PLA2G4E: variants seen among roughly 807,000 people sequenced by gnomAD.
PLA2G4E encodes cytosolic phospholipase A2 epsilon.
PLA2G4E carries 84 observed loss-of-function variants against 109.1 expected under a neutral mutation model. The observed-to-expected ratio is 0.77, with a 90% CI of 0.65 to 0.92. The LOEUF is 0.92. Among genes scored for constraint, PLA2G4E ranks in the 40% least tolerant of loss-of-function variants. The pLI is 0.00. For synonymous variants in PLA2G4E, 469 were observed against 436.1 expected (o/e 1.08, Z -0.94); for missense variants, 1,057 against 1,076.6 (o/e 0.98, Z 0.25).
In PLA2G4E at chr15:41,984,517, C is replaced by A; in HGVS notation, c.2305G>T (p.Glu769Ter). 6.2e-7 allele frequency: 1 copy of A among 1,613,964 alleles called. No individual in the cohort carries two copies. The change falls in exon 19 of 20, where the codon GAG becomes TAG. Residue 769 changes from glutamate (E) to a stop codon, truncating the protein, a stop_gained. Coordinates refer to ENST00000399518, the Ensembl canonical transcript of PLA2G4E. LOFTEE classifies it high-confidence loss of function. ...GGGGCATCGGGTTCCTGGGGGTTCT[C>A]CATCAGGTAGCATTCCTTGAGATTT...
At position 42,002,641 on chromosome 15, in the gene PLA2G4E, G is replaced by A. The variant is rs1447029545; in HGVS notation, c.609+13C>T. 1.9e-6 allele frequency: 3 copies of A among 1,580,150 alleles called. No individual in the cohort carries two copies. The highest frequency in any genetic ancestry group is 2.3e-5 in the East Asian group (1 of 43,084). Reference sequence around the variant, plus strand: ...TGGCCTCTGGAGCTACAGGAACCCAGGAAGATAATTACCACCAGCACGCCA... The same window carrying A: ...TGGCCTCTGGAGCTACAGGAACCCAAGAAGATAATTACCACCAGCACGCCA... On this transcript the variant is annotated intron_variant, in intron 6 of 19. Transcript: ENST00000399518.
chr15:42,011,097 G>T (rs1364367380), intron 2 of PLA2G4E, among the ~76,000 whole-genome samples: 1 of 152,058 alleles, frequency 6.6e-6, no homozygotes, highest in Non-Finnish European at 1.5e-5. Context: ...GGCACCCCGA[G>T]ATGCCACATG....
In PLA2G4E at chr15:41,987,262, G is replaced by A. The variant is rs370317501; in HGVS notation, c.1945C>T (p.Arg649Trp). 3.9e-5 allele frequency: 63 copies of A among 1,613,862 alleles called. No individual in the cohort carries two copies. In the African/African-American group the frequency reaches 5.2e-4, roughly 13 times the overall value. ...TTGTGAAACTCAGACACGAAGGACC[G>A]ATGGGTAAGGATTTCTCGGAAAGAA... The change falls in exon 17 of 20, where the codon CGG becomes TGG. Residue 649 changes from arginine (R) to tryptophan (W), a missense_variant. By Grantham distance (101) the Arg-to-Trp change is moderately radical (BLOSUM62 -3). Coordinates refer to ENST00000399518, the Ensembl canonical transcript of PLA2G4E.
intron 15 of PLA2G4E, 94 bp downstream of exon 15, chr15:41,989,321 A>C: frequency 2.0e-6 from 3 of 1,518,958 alleles, no homozygotes; most frequent in Non-Finnish European, 2.7e-6. Flanking sequence ...AATGCTGGCA[A>C]GTGCCCCGAG....
intron 1 of PLA2G4E, among the ~76,000 whole-genome samples, chr15:42,044,542 C>A (rs1006320220): frequency 2.7e-5 from 4 of 150,476 alleles, no homozygotes; most frequent in South Asian, 2.1e-4. Flanking sequence ...GGACAAAAAA[C>A]CAAACACCGC....
At chr15:41,996,805 G>T (rs1325109915) in intron 11 of PLA2G4E, among the ~76,000 whole-genome samples, 1 of 152,234 alleles carries the variant, frequency 6.6e-6, no homozygotes, top group Non-Finnish European at 1.5e-5. Flanking sequence ...AGGTGGTACA[G>T]CTTAAAATGT....
chr15:42,003,523 G>C (rs985219878), intron 5 of PLA2G4E, among the ~76,000 whole-genome samples: 9 of 152,224 alleles, frequency 5.9e-5, no homozygotes, highest in Admixed American at 5.9e-4. Flanking sequence ...ATTCAGCCTA[G>C]GAGTTTTCCC....
chr15:42,029,385 T>C (rs941179110), intron 1 of PLA2G4E, among the ~76,000 whole-genome samples: 2 of 152,204 alleles, frequency 1.3e-5, no homozygotes, highest in Admixed American at 1.3e-4. Flanking sequence ...CATGAGCTAC[T>C]GTGCCTGGCC....
intron 1 of PLA2G4E, among the ~76,000 whole-genome samples, chr15:42,036,612 A>G (rs1234247166): frequency 6.6e-6 from 1 of 152,112 alleles, no homozygotes; most frequent in Non-Finnish European, 1.5e-5. Flanking sequence ...AGGGCCTGCC[A>G]TCCACACCAC....
At chr15:42,043,955 A>C (rs905969361) in intron 1 of PLA2G4E, among the ~76,000 whole-genome samples, 5 of 152,202 alleles carry the variant, frequency 3.3e-5, no homozygotes, top group African/African-American at 1.2e-4. Context: ...AGGACAAATA[A>C]ATTGGAAAGA....
At chr15:41,990,265 G>C in intron 13 of PLA2G4E, 30 bp from the exon 14 acceptor site, 1 of 1,596,260 alleles carries the variant, frequency 6.3e-7, no homozygotes, top group Non-Finnish European at 8.6e-7. Context: ...TTAAAGAGAA[G>C]CAGCAGCCCA....
chr15:42,001,675 C>G (rs971486574), intron 6 of PLA2G4E, among the ~76,000 whole-genome samples: 1 of 152,158 alleles, frequency 6.6e-6, no homozygotes, highest in African/African-American at 2.4e-5. Context: ...ATTAAAATAG[C>G]TGTACCAACA....
chr15:42,017,954 G>A (rs1356585530), intron 1 of PLA2G4E, among the ~76,000 whole-genome samples: 1 of 152,170 alleles, frequency 6.6e-6, no homozygotes, highest in Non-Finnish European at 1.5e-5. Flanking sequence ...CGAATTTTCA[G>A]GAGAGACCCA....
chr15:42,005,858 A>C, intron 4 of PLA2G4E, 132 bp downstream of exon 4: 1 of 1,138,222 alleles, frequency 8.8e-7, no homozygotes, highest in Non-Finnish European at 1.2e-6. Context: ...TGGGATTTAA[A>C]CCAGCAGCAC....
intron 1 of PLA2G4E, among the ~76,000 whole-genome samples, chr15:42,015,480 G>C (rs1623753): frequency 0.52 from 78,682 of 152,106 alleles, 21,433 homozygotes; most frequent in East Asian, 0.71. Flanking sequence ...TGTGCTCGCT[G>C]GTAGGGCTCC....
chr15:41,986,370 C>A (rs1023812071), intron 17 of PLA2G4E, among the ~76,000 whole-genome samples: 1 of 152,122 alleles, frequency 6.6e-6, no homozygotes, highest in Non-Finnish European at 1.5e-5. Context: ...ATTAAGAAGG[C>A]GAAAGTCAAT....
At chr15:42,007,915 G>A (rs1393850286) in intron 2 of PLA2G4E, 50 bp from the exon 3 acceptor site, 7 of 1,551,644 alleles carry the variant, frequency 4.5e-6, no homozygotes, top group Non-Finnish European at 6.1e-6. Flanking sequence ...GAGAACATGT[G>A]GAGTCAAAAG....
At chr15:41,982,467 G>A (rs2068079424) in exon 20 of PLA2G4E, 1 of 152,232 alleles carries the variant, frequency 6.6e-6, no homozygotes, top group Non-Finnish European at 1.5e-5. Flanking sequence ...CTCTGTGGGT[G>A]ACTCTCCAAG....
chr15:42,044,763 A>C (rs989337799), intron 1 of PLA2G4E, among the ~76,000 whole-genome samples: 1 of 150,288 alleles, frequency 6.7e-6, no homozygotes, highest in Non-Finnish European at 1.5e-5. Context: ...GTGCACATGT[A>C]CCCTAAAACT....
Sources: gnomAD v4.1 joint callset for allele counts (sites outside exome capture counted in the v4.1 genomes callset) on GRCh38, gnomAD v4.1.1 for gene constraint, MANE v1.5 for transcripts, NCBI Gene and HGNC (gene_info 2026-07-23, HGNC 2026-07-21) for gene names.